Variants in TNIK observed in about 807,000 individuals in gnomAD.
The protein encoded by TNIK is TRAF2 and NCK interacting kinase, also known as TRAF2 and NCK-interacting protein kinase.
Under a neutral mutation model 191.3 loss-of-function variants are expected in TNIK, and 49 were observed. The observed-to-expected ratio is 0.26, with a 90% CI of 0.20 to 0.32. TNIK has a LOEUF of 0.32. Among genes scored for constraint, TNIK ranks in the 10% least tolerant of loss-of-function variants. The pLI, the probability that TNIK is intolerant of heterozygous loss-of-function variation, is 1.00. For missense variants in TNIK, 1,155 were observed against 1,702.3 expected (o/e 0.68, Z 5.66); for synonymous variants, 594 against 600.9 (o/e 0.99, Z 0.17).
chr3:171,317,830 G>C (rs940484295), intron 2 of TNIK, among the ~76,000 whole-genome samples: 1 of 152,150 alleles, frequency 6.6e-6, no homozygotes, highest in Non-Finnish European at 1.5e-5. Context: ...TGCCCAAAAG[G>C]AGTGAGCTGC....
chr3:171,455,175 A>G (rs1728648226), intron 1 of TNIK, among the ~76,000 whole-genome samples: 1 of 152,196 alleles, frequency 6.6e-6, no homozygotes, highest in South Asian at 2.1e-4. Flanking sequence ...AAAGGCAGCT[A>G]AGGTCTGTGG....
At chr3:171,261,476 C>G (rs1747604433) in intron 2 of TNIK, among the ~76,000 whole-genome samples, 1 of 152,108 alleles carries the variant, frequency 6.6e-6, no homozygotes, top group African/African-American at 2.4e-5. Context: ...AACAAGAACC[C>G]CAGCAGGAAT....
At chr3:171,295,005 A>AAGAG (rs141597723) in intron 2 of TNIK, among the ~76,000 whole-genome samples, 49,470 of 146,380 alleles carry the variant, frequency 0.34, 8,421 homozygotes, top group Middle Eastern at 0.41. Context: ...CTGGCCAGGG[A>AAGAG]AGAGAGAGAG....
intron 1 of TNIK, among the ~76,000 whole-genome samples, chr3:171,389,789 G>A (rs1289696048): frequency 1.3e-5 from 2 of 152,156 alleles, no homozygotes; most frequent in African/African-American, 4.8e-5. Flanking sequence ...CCAATGAAAT[G>A]GCAATATGGC....
chr3:171,202,232 T>C (rs1459163426), intron 4 of TNIK, among the ~76,000 whole-genome samples: 1 of 151,730 alleles, frequency 6.6e-6, no homozygotes, highest in Non-Finnish European at 1.5e-5. Context: ...TTGGTAGGAG[T>C]AAGTCACTAC....
chr3:171,369,512 A>G, intron 2 of TNIK, 108 bp downstream of exon 2: 1 of 716,854 alleles, frequency 1.4e-6, no homozygotes, highest in Middle Eastern at 2.5e-4. Flanking sequence ...ATATTAATTC[A>G]TTTTAAATTT....
chr3:171,302,888 C>A (rs1452065503), intron 2 of TNIK, among the ~76,000 whole-genome samples: 1 of 152,200 alleles, frequency 6.6e-6, no homozygotes, highest in South Asian at 2.1e-4. Flanking sequence ...TGCTCCACAT[C>A]CAGCCCAAGT....
intron 9 of TNIK, among the ~76,000 whole-genome samples, chr3:171,174,375 A>ATAG (rs2108777907): frequency 6.6e-6 from 1 of 152,318 alleles, no homozygotes; most frequent in Non-Finnish European, 1.5e-5. Context: ...TAGAAAAAGG[A>ATAG]TAGGAGGTCA....
At chr3:171,211,020 G>T in intron 4 of TNIK, 96 bp downstream of exon 4, 1 of 1,473,020 alleles carries the variant, frequency 6.8e-7, no homozygotes, top group Non-Finnish European at 9.2e-7. Flanking sequence ...GTTAAAGAAG[G>T]AGTTAATCAA....
chr3:171,087,229 C>T lies in TNIK; in HGVS notation c.2886+113G>A. 4 of 1,478,340 alleles carry T rather than the reference C, an allele frequency of 2.7e-6. 1 individual carries two copies. The South Asian group carries it at 4.0e-5, about 15-fold the overall frequency. 91.6% of individuals were successfully genotyped at this position (1,478,340 alleles called of 1,614,324 possible). ...GCATAAGTAGCTCTATGGTAGAAAC[C>T]AACCAAACAAGTTTCAAGGAGCTTG... On this transcript the variant is annotated intron_variant, in intron 24 of 32. Transcript: ENST00000436636.
intron 2 of TNIK, among the ~76,000 whole-genome samples, chr3:171,229,889 G>A (rs1324453003): frequency 1.3e-5 from 2 of 152,106 alleles, no homozygotes; most frequent in Non-Finnish European, 2.9e-5. Flanking sequence ...GGGAGAGGAT[G>A]GCGTGTTACC....
At chr3:171,288,305 A>G (rs1330638846) in intron 2 of TNIK, among the ~76,000 whole-genome samples, 1 of 150,926 alleles carries the variant, frequency 6.6e-6, no homozygotes, top group East Asian at 1.9e-4. Context: ...GTACCCTAAA[A>G]CTTAAAGTAT....
intron 1 of TNIK, among the ~76,000 whole-genome samples, chr3:171,402,848 T>C (rs555199685): frequency 2.6e-4 from 40 of 152,360 alleles, no homozygotes; most frequent in African/African-American, 8.4e-4. Flanking sequence ...TAAGTTTACA[T>C]ACTTAAATAT....
intron 2 of TNIK, among the ~76,000 whole-genome samples, chr3:171,357,816 C>T (rs896634287): frequency 5.3e-5 from 8 of 152,080 alleles, no homozygotes; most frequent in South Asian, 2.1e-4. Context: ...AAACAGACAC[C>T]GTGTGCAGTG....
chr3:171,096,036 G>T (rs1187239179), intron 22 of TNIK, among the ~76,000 whole-genome samples: 3 of 150,990 alleles, frequency 2.0e-5, no homozygotes, highest in Admixed American at 6.6e-5. Context: ...TTCTTCCTTT[G>T]TGCCGTAAGT....
chr3:171,285,442 G>A (rs1750907916), intron 2 of TNIK, among the ~76,000 whole-genome samples: 1 of 151,938 alleles, frequency 6.6e-6, no homozygotes, highest in African/African-American at 2.4e-5. Context: ...TGGTAGAGTG[G>A]AAACTGATGA....
intron 1 of TNIK, among the ~76,000 whole-genome samples, chr3:171,418,255 T>A (rs1431195117): frequency 6.6e-6 from 1 of 152,216 alleles, no homozygotes; most frequent in African/African-American, 2.4e-5. Context: ...CTGCTACCTC[T>A]ACGTATTTTG....
chr3:171,255,332 T>G (rs1746721653), intron 2 of TNIK, among the ~76,000 whole-genome samples: 1 of 152,200 alleles, frequency 6.6e-6, no homozygotes, highest in Admixed American at 6.5e-5. Flanking sequence ...GAGGAAACAG[T>G]AGATTTTTCT....
At chr3:171,444,589 A>G (rs1197416033) in intron 1 of TNIK, among the ~76,000 whole-genome samples, 2 of 151,954 alleles carry the variant, frequency 1.3e-5, no homozygotes, top group African/African-American at 4.8e-5. Context: ...AAAAAAAAAA[A>G]AAGAAAAAGA....
Sources: gnomAD v4.1 joint callset for allele counts (sites outside exome capture counted in the v4.1 genomes callset) on GRCh38, gnomAD v4.1.1 for gene constraint, MANE v1.5 for transcripts, NCBI Gene and HGNC (gene_info 2026-07-23, HGNC 2026-07-21) for gene names.